NCAPG2: variants seen among roughly 807,000 people sequenced by gnomAD.
The protein encoded by NCAPG2 is condensin-2 complex subunit G2.
A neutral mutation model predicts 141.1 loss-of-function variants in NCAPG2; 53 were observed. The observed-to-expected ratio is 0.38, with a 90% confidence interval of 0.30 to 0.47. The LOEUF (loss-of-function observed/expected upper bound fraction) is 0.47, where lower values mean the gene tolerates loss of function less well. Among genes scored for constraint, NCAPG2 ranks in the 20% least tolerant of loss-of-function variants. The pLI is 0.99. For synonymous variants in NCAPG2, 499 were observed against 490.7 expected (o/e 1.02, Z -0.22); for missense variants, 1,087 against 1,389.0 (o/e 0.78, Z 3.46).
At chr7:158,677,525 C>CAAAAAAAAA in intron 11 of NCAPG2, among the ~76,000 whole-genome samples, 12 of 90,400 alleles carry the variant, frequency 1.3e-4, no homozygotes, top group East Asian at 3.0e-4. Context: ...AAAAATAAAG[C>CAAAAAAAAA]AAAAAAAAAA....
At chr7:158,646,300 T>C (rs1211904020) in intron 25 of NCAPG2, among the ~76,000 whole-genome samples, 160 bp downstream of exon 25, 1 of 152,238 alleles carries the variant, frequency 6.6e-6, no homozygotes, top group Non-Finnish European at 1.5e-5. Context: ...TGTAAATATT[T>C]CTAATTACTG....
intron 2 of NCAPG2, among the ~76,000 whole-genome samples, chr7:158,695,068 A>C (rs1348414886): frequency 1.3e-5 from 2 of 152,342 alleles, no homozygotes; most frequent in East Asian, 3.9e-4. Flanking sequence ...GGCCCGCTTA[A>C]GTCCATTAAT....
At chr7:158,657,382 G>C (rs935194497) in intron 17 of NCAPG2, among the ~76,000 whole-genome samples, 3 of 152,194 alleles carry the variant, frequency 2.0e-5, no homozygotes, top group Admixed American at 6.5e-5. Flanking sequence ...TGTGACCAAC[G>C]GTGACCTTGT....
chr7:158,704,365 G>A (rs1465579745), intron 1 of NCAPG2, among the ~76,000 whole-genome samples: 1 of 148,782 alleles, frequency 6.7e-6, no homozygotes, highest in African/African-American at 2.5e-5. Flanking sequence ...GACAGAGGAG[G>A]TCGCTCTCTG....
intron 2 of NCAPG2, among the ~76,000 whole-genome samples, chr7:158,694,342 T>C (rs1164582535): frequency 6.6e-6 from 1 of 152,250 alleles, no homozygotes; most frequent in African/African-American, 2.4e-5. Flanking sequence ...CACTGTTTTA[T>C]AGCCATCACA....
intron 25 of NCAPG2, among the ~76,000 whole-genome samples, chr7:158,645,867 T>A (rs1830979133): frequency 1.3e-5 from 2 of 152,160 alleles, no homozygotes; most frequent in African/African-American, 4.8e-5. Context: ...CTGTATACCC[T>A]CAATGCACAC....
chr7:158,655,073 C>A, intron 21 of NCAPG2, 45 bp downstream of exon 21: 1 of 1,544,910 alleles, frequency 6.5e-7, no homozygotes, highest in Non-Finnish European at 8.7e-7. Flanking sequence ...TGAAACATAA[C>A]AAACTTGGTA....
Position 158,650,947 on chromosome 7 carries a change from A to G in NCAPG2, c.2960T>C (p.Leu987Pro). 1.2e-6 allele frequency: 2 copies of G among 1,612,806 alleles called. No individual in the cohort carries two copies. Among genetic ancestry groups the G allele is most frequent in the Non-Finnish European group, 1.7e-6 (2 of 1,179,462 alleles). ...CTGAACAGCAGTAATGAACTCATGA[A>G]GAGGCCTCTGAACAGAATAAAGCAG... Reference protein sequence around the residue: ...LRLLYSVQRPLHEFITAVQSR... With the variant: ...LRLLYSVQRPPHEFITAVQSR... Residue 987 changes from leucine to proline, a missense_variant, in exon 24 of 28, where the codon CTT becomes CCT. Physicochemically the swap from Leu to Pro is moderately conservative, Grantham distance 98. Transcript: ENST00000356309.
At chr7:158,658,233 G>T in intron 17 of NCAPG2, 105 bp downstream of exon 17, 1 of 1,026,236 alleles carries the variant, frequency 9.7e-7, no homozygotes, top group Non-Finnish European at 1.4e-6. Context: ...AGGCCACAGT[G>T]AGCTGAAAGC....
At chr7:158,637,617 T>TC (rs1271162868) in intron 27 of NCAPG2, among the ~76,000 whole-genome samples, 1 of 2,742 alleles carries the variant, frequency 3.6e-4, no homozygotes, top group African/African-American at 1.1e-3. Context: ...TGGCTCCACA[T>TC]CCCCCCGGCC....
intron 12 of NCAPG2, among the ~76,000 whole-genome samples, chr7:158,673,395 C>T (rs983472314): frequency 1.3e-5 from 2 of 152,322 alleles, no homozygotes; most frequent in South Asian, 2.1e-4. Flanking sequence ...GAGCTGCCCT[C>T]GCCATCAGCA....
intron 26 of NCAPG2, among the ~76,000 whole-genome samples, chr7:158,645,138 A>T (rs552981319): frequency 6.6e-6 from 1 of 152,364 alleles, no homozygotes; most frequent in African/African-American, 2.4e-5. Flanking sequence ...GTCAAATATT[A>T]ACACCAAAAT....
intron 12 of NCAPG2, among the ~76,000 whole-genome samples, chr7:158,674,051 A>T (rs1833909192): frequency 6.6e-6 from 1 of 152,222 alleles, no homozygotes; most frequent in African/African-American, 2.4e-5. Context: ...GGTGACCACT[A>T]AACTAAGACT....
At chr7:158,654,044 A>G (rs188137411) in intron 22 of NCAPG2, among the ~76,000 whole-genome samples, 37 of 152,212 alleles carry the variant, frequency 2.4e-4, no homozygotes, top group Non-Finnish European at 2.9e-4. Context: ...TCAGAAGGCC[A>G]AGGAGATATG....
At chr7:158,639,697 A>G (rs1325800857) in intron 27 of NCAPG2, 4 of 246,788 alleles carry the variant, frequency 1.6e-5, no homozygotes, top group Non-Finnish European at 2.6e-5. Flanking sequence ...GATGTGATTT[A>G]AACTGCTCCA....
intron 8 of NCAPG2, among the ~76,000 whole-genome samples, chr7:158,683,788 C>G (rs543451157): frequency 1.3e-5 from 2 of 152,290 alleles, no homozygotes; most frequent in Admixed American, 6.5e-5. Context: ...ACAGCCTCCA[C>G]AGAACAAAAA....
At chr7:158,701,693 C>A (rs1835801905) in intron 2 of NCAPG2, 129 bp downstream of exon 2, 9 of 845,276 alleles carry the variant, frequency 1.1e-5, no homozygotes, top group Non-Finnish European at 1.7e-5. Context: ...TTGTTTTCTT[C>A]TTTCAAATAA....
At position 158,692,944 on chromosome 7, in the gene NCAPG2, C is replaced by A; in HGVS notation, c.280G>T (p.Glu94Ter). 6.4e-7 allele frequency: 1 copy of A among 1,552,260 alleles called. No homozygotes were observed. The highest frequency in any genetic ancestry group is 8.8e-7 in the Non-Finnish European group (1 of 1,135,072). The part of the protein sequence containing the change: ...EHGSKMRKSI[E>*]IIYAITSVIL... The stretch of plus-strand genomic sequence containing the variant: ...ACAGATGTAATTGCATAAATTATTT[C>A]TATGCTTTTTCTCTATAAATGAAAA... The change falls in exon 4 of 28, where the codon GAA becomes TAA. Residue 94 changes from glutamate to a stop codon, truncating the protein, a stop_gained. Transcript: ENST00000356309. LOFTEE classifies it high-confidence loss of function.
At chr7:158,662,465 A>G (rs1832589682) in intron 15 of NCAPG2, 98 bp from the exon 16 acceptor site, 1 of 1,088,832 alleles carries the variant, frequency 9.2e-7, no homozygotes, top group African/African-American at 1.6e-5. Context: ...AAAAATGTAG[A>G]GAACATCCGT....
Sources: gnomAD v4.1 joint callset for allele counts (sites outside exome capture counted in the v4.1 genomes callset) on GRCh38, gnomAD v4.1.1 for gene constraint, MANE v1.5 for transcripts, NCBI Gene and HGNC (gene_info 2026-07-23, HGNC 2026-07-21) for gene names.